The following LRRC7 variants were observed in gnomAD, a reference collection of about 807,000 sequenced individuals.
The protein encoded by LRRC7 is leucine rich repeat containing 7, also known as leucine-rich repeat-containing protein 7.
In LRRC7, 23 loss-of-function variants were observed where a neutral mutation model predicts 175.7. That is an observed-to-expected ratio of 0.13 (90% CI 0.09 to 0.19). The LOEUF (loss-of-function observed/expected upper bound fraction) is 0.19, where lower values mean the gene tolerates loss of function less well. Ranked by LOEUF, LRRC7 falls within the 10% of genes least tolerant of loss-of-function variation. The pLI is 1.00. For synonymous variants in LRRC7, 685 were observed against 680.9 expected (o/e 1.01, Z -0.09); for missense variants, 1,354 against 1,904.7 (o/e 0.71, Z 5.38).
intron 22 of LRRC7, among the ~76,000 whole-genome samples, chr1:70,049,803 T>C (rs1660615074): frequency 1.3e-5 from 2 of 152,044 alleles, no homozygotes; most frequent in Non-Finnish European, 2.9e-5. Flanking sequence ...ATGAATAATA[T>C]AACAATAATT....
At chr1:69,930,798 G>A (rs1190811028) in intron 7 of LRRC7, among the ~76,000 whole-genome samples, 2 of 152,164 alleles carry the variant, frequency 1.3e-5, no homozygotes, top group Middle Eastern at 3.4e-3. Flanking sequence ...AGGCGAGAGA[G>A]AACATGTGAA....
intron 5 of LRRC7, among the ~76,000 whole-genome samples, chr1:69,826,286 C>A (rs1208016693): frequency 4.6e-5 from 7 of 152,010 alleles, no homozygotes; most frequent in Non-Finnish European, 1.0e-4. Context: ...CCAGAGATTG[C>A]AGCAAGAACA....
chr1:69,719,085 A>G (rs1666074425), intron 2 of LRRC7, among the ~76,000 whole-genome samples: 1 of 151,772 alleles, frequency 6.6e-6, no homozygotes, highest in Admixed American at 6.6e-5. Flanking sequence ...GTTATTATAA[A>G]CACTTTAAGT....
chr1:69,857,245 T>A (rs568292646), intron 7 of LRRC7, among the ~76,000 whole-genome samples: 1 of 152,260 alleles, frequency 6.6e-6, no homozygotes, highest in Non-Finnish European at 1.5e-5. Flanking sequence ...TTCAACATAG[T>A]GTTGGAAATT....
intron 2 of LRRC7, among the ~76,000 whole-genome samples, chr1:69,740,527 G>C (rs546208692): frequency 6.6e-6 from 1 of 151,990 alleles, no homozygotes; most frequent in African/African-American, 2.4e-5. Flanking sequence ...AGATTCAGGG[G>C]GACTCCAGTA....
chr1:69,863,255 C>A (rs1409103678), intron 7 of LRRC7, among the ~76,000 whole-genome samples: 1 of 152,182 alleles, frequency 6.6e-6, no homozygotes, highest in Non-Finnish European at 1.5e-5. Context: ...TGCAAAAGGT[C>A]TTTGATGACC....
At chr1:70,026,973 A>C (rs925150030) in intron 17 of LRRC7, among the ~76,000 whole-genome samples, 1 of 152,124 alleles carries the variant, frequency 6.6e-6, no homozygotes. Flanking sequence ...TATCACCATC[A>C]TAGTTTCTTA....
chr1:69,754,700 A>G (rs1048695038), intron 2 of LRRC7, among the ~76,000 whole-genome samples: 3 of 152,080 alleles, frequency 2.0e-5, no homozygotes, highest in African/African-American at 7.2e-5. Flanking sequence ...TGACAATGGT[A>G]ATGTGCTACG....
chr1:70,073,649 C>T (rs1212528527), intron 23 of LRRC7, among the ~76,000 whole-genome samples: 3 of 144,904 alleles, frequency 2.1e-5, no homozygotes, highest in African/African-American at 8.7e-5. Flanking sequence ...CTAAGTTTGT[C>T]TGGGTGGAAA....
chr1:69,764,726 TAGAC>T (rs36159703), intron 3 of LRRC7, among the ~76,000 whole-genome samples: 26 of 142,542 alleles, frequency 1.8e-4, no homozygotes, highest in African/African-American at 3.4e-4. Context: ...GGTAGATAGA[TAGAC>T]AGATAGATAG....
In LRRC7 at chr1:70,143,157, C is replaced by G. The variant is rs1667143403; in HGVS notation, c.*21270C>G. The G allele has an allele frequency of 6.7e-6, 1 of 149,814 alleles. No homozygotes were observed. The highest frequency in any genetic ancestry group is 1.5e-5 in the Non-Finnish European group (1 of 67,642). 9.3% of individuals were successfully genotyped at this position (149,814 alleles called of 1,614,324 possible). On this transcript the variant is annotated 3_prime_UTR_variant, in exon 27 of 27. Transcript: ENST00000651989. ...TAAGAAAAATTCCTAAGCAGTGATA[C>G]AACTTTGGGTCGCTATTTTAGTAAA...
At chr1:69,907,264 C>A (rs1033098205) in intron 7 of LRRC7, among the ~76,000 whole-genome samples, 1 of 152,144 alleles carries the variant, frequency 6.6e-6, no homozygotes, top group African/African-American at 2.4e-5. Flanking sequence ...CCTTCTCCTG[C>A]CTAATTGCCC....
chr1:69,791,998 A>G (rs751437891), intron 3 of LRRC7, 45 bp from the exon 4 acceptor site: 50 of 1,266,094 alleles, frequency 3.9e-5, no homozygotes, highest in Non-Finnish European at 5.5e-5. Context: ...TTATGAATGA[A>G]TTTAACCAAA....
intron 8 of LRRC7, among the ~76,000 whole-genome samples, chr1:69,957,009 C>T (rs547023037): frequency 1.3e-5 from 2 of 150,818 alleles, no homozygotes; most frequent in Non-Finnish European, 1.5e-5. Flanking sequence ...AAGGTTTCTA[C>T]TGATGACACT....
intron 25 of LRRC7, among the ~76,000 whole-genome samples, chr1:70,090,557 A>C (rs1039064758): frequency 6.6e-6 from 1 of 152,108 alleles, no homozygotes; most frequent in South Asian, 2.1e-4. Flanking sequence ...CTGCCCTGCT[A>C]CCATCAGTGT....
At chr1:69,652,719 C>T (rs1350034790) in intron 1 of LRRC7, among the ~76,000 whole-genome samples, 1 of 151,744 alleles carries the variant, frequency 6.6e-6, no homozygotes, top group African/African-American at 2.4e-5. Context: ...TAATAATAAC[C>T]AAAATAGAGG....
chr1:69,711,928 C>T (rs1391332819), intron 2 of LRRC7, among the ~76,000 whole-genome samples: 1 of 152,052 alleles, frequency 6.6e-6, no homozygotes, highest in Admixed American at 6.6e-5. Flanking sequence ...GAAGTATATG[C>T]TGGTGAGAAT....
chr1:69,604,113 A>G (rs532523023), intron 1 of LRRC7, among the ~76,000 whole-genome samples: 1 of 152,184 alleles, frequency 6.6e-6, no homozygotes, highest in East Asian at 1.9e-4. Flanking sequence ...AATGATTTGT[A>G]TGCTTTGGAC....
intron 7 of LRRC7, among the ~76,000 whole-genome samples, chr1:69,905,160 T>C (rs1174476007): frequency 1.3e-5 from 2 of 152,136 alleles, no homozygotes; most frequent in East Asian, 3.9e-4. Context: ...TACACATGCA[T>C]ATGCCTTTAT....
Sources: allele counts gnomAD v4.1 joint callset (sites outside exome capture counted in the v4.1 genomes callset), GRCh38; gene constraint gnomAD v4.1.1; transcripts MANE v1.5; gene names NCBI Gene and HGNC (gene_info 2026-07-23, HGNC 2026-07-21).